Variants in PTPRR observed in about 807,000 individuals in gnomAD.
PTPRR encodes receptor-type tyrosine-protein phosphatase R.
PTPRR carries 38 observed loss-of-function variants against 77.2 expected under a neutral mutation model. That is an observed-to-expected ratio of 0.49 (90% CI 0.38 to 0.65). PTPRR has a LOEUF of 0.65. Among genes scored for constraint, PTPRR ranks in the 30% least tolerant of loss-of-function variants. The probability of loss-of-function intolerance (pLI) is 0.00; values close to 1 mark genes in which losing one functional copy is unlikely to be tolerated. For missense variants in PTPRR, 744 were observed against 799.2 expected (o/e 0.93, Z 0.83); for synonymous variants, 299 against 283.1 (o/e 1.06, Z -0.57).
intron 2 of PTPRR, among the ~76,000 whole-genome samples, chr12:70,813,993 C>G (rs1450762676): frequency 2.0e-5 from 3 of 152,104 alleles, no homozygotes; most frequent in Non-Finnish European, 2.9e-5. Context: ...CCTGTTTCCA[C>G]CAGCCAGAGT....
At chr12:70,907,310 C>T (rs1304520251) in intron 1 of PTPRR, among the ~76,000 whole-genome samples, 1 of 152,148 alleles carries the variant, frequency 6.6e-6, no homozygotes, top group African/African-American at 2.4e-5. Context: ...TGATTTTAAT[C>T]ACCTTGTAAA....
intron 6 of PTPRR, among the ~76,000 whole-genome samples, chr12:70,710,309 C>T (rs1448189477): frequency 6.6e-6 from 1 of 152,056 alleles, no homozygotes; most frequent in Admixed American, 6.6e-5. Flanking sequence ...GAAAGTATTC[C>T]CTATTCAGTA....
chr12:70,875,377 T>C (rs1452464837), intron 2 of PTPRR, among the ~76,000 whole-genome samples: 1 of 152,144 alleles, frequency 6.6e-6, no homozygotes, highest in Non-Finnish European at 1.5e-5. Flanking sequence ...AATGGAAGAA[T>C]ACATATACAT....
intron 2 of PTPRR, among the ~76,000 whole-genome samples, chr12:70,775,085 G>C (rs1466662588): frequency 6.6e-6 from 1 of 152,130 alleles, no homozygotes; most frequent in African/African-American, 2.4e-5. Context: ...AGATTAAAAT[G>C]TTCTTTCCAA....
intron 1 of PTPRR, among the ~76,000 whole-genome samples, chr12:70,919,944 T>C (rs995152140): frequency 1.3e-5 from 2 of 151,930 alleles, no homozygotes; most frequent in East Asian, 1.9e-4. Flanking sequence ...CTTATGAATG[T>C]AGTAGCCGCT....
intron 2 of PTPRR, among the ~76,000 whole-genome samples, chr12:70,842,809 T>G (rs1189133811): frequency 6.6e-6 from 1 of 152,340 alleles, no homozygotes; most frequent in South Asian, 2.1e-4. Flanking sequence ...TTCCAGAGAT[T>G]TGGCATGGAT....
At chr12:70,811,139 T>C (rs1796214368) in intron 2 of PTPRR, among the ~76,000 whole-genome samples, 1 of 152,190 alleles carries the variant, frequency 6.6e-6, no homozygotes, top group East Asian at 1.9e-4. Context: ...AAATGTTAGA[T>C]GTTTGCATTT....
At chr12:70,680,285 T>C (rs916381514) in intron 10 of PTPRR, among the ~76,000 whole-genome samples, 1 of 152,168 alleles carries the variant, frequency 6.6e-6, no homozygotes, top group African/African-American at 2.4e-5. Context: ...TCTTTGATGG[T>C]GTCATGTTTC....
At chr12:70,803,954 G>C (rs1234229634) in intron 2 of PTPRR, among the ~76,000 whole-genome samples, 1 of 152,072 alleles carries the variant, frequency 6.6e-6, no homozygotes, top group African/African-American at 2.4e-5. Context: ...GCGGGTCTAG[G>C]ATAAGAGGCA....
chr12:70,647,855 T>C lies in PTPRR; in HGVS notation c.1881-8578A>G, dbSNP rs533025982. ...CAAAATATCCCTTTTGCAACAATGC[T>C]GGCCAACAGAAAGTTCATTGTACTT... On this transcript the variant is annotated intron_variant, in intron 13 of 13. Transcript: ENST00000283228. Among the ~76,000 whole-genome samples, 150 of 152,344 alleles carry C rather than the reference T, an allele frequency of 9.8e-4. 1 individual carries two copies. The highest frequency in any genetic ancestry group is 3.5e-3 in the African/African-American group (147 of 41,598).
chr12:70,771,312 T>C (rs1416243210), intron 2 of PTPRR, among the ~76,000 whole-genome samples: 1 of 152,078 alleles, frequency 6.6e-6, no homozygotes, highest in African/African-American at 2.4e-5. Context: ...AACCATATAC[T>C]GCATGTTCTC....
chr12:70,892,778 A>G lies in PTPRR; in HGVS notation c.258T>C (p.Pro86=). ...KRHQIVNSAF[P]RPAYDPSLNL... is the part of the protein sequence containing the mutation. Reference sequence around the variant, plus strand: ...TGAGAGACGGGTCATATGCGGGTCTAGGAAATGCTGAATTGACAATCTGGT... The same window carrying G: ...TGAGAGACGGGTCATATGCGGGTCTGGGAAATGCTGAATTGACAATCTGGT... The change falls in exon 2 of 14, where the codon CCT becomes CCC. Residue 86 remains proline (P), a synonymous_variant. Coordinates refer to ENST00000283228, the MANE Select transcript of PTPRR (RefSeq NM_002849.4). 6.2e-7 allele frequency: 1 copy of G among 1,613,566 alleles called. No individual in the cohort carries two copies. Among genetic ancestry groups the G allele is most frequent in the Non-Finnish European group, 8.5e-7 (1 of 1,179,558 alleles).
At chr12:70,807,478 T>TC (rs1289300439) in intron 2 of PTPRR, among the ~76,000 whole-genome samples, 5 of 152,216 alleles carry the variant, frequency 3.3e-5, no homozygotes, top group African/African-American at 1.2e-4. Context: ...CAATATCTTC[T>TC]CCCCCCACCC....
intron 10 of PTPRR, among the ~76,000 whole-genome samples, chr12:70,681,334 C>T (rs1887650748): frequency 6.6e-6 from 1 of 152,188 alleles, no homozygotes; most frequent in Non-Finnish European, 1.5e-5. Flanking sequence ...ACAATGTGGG[C>T]TCCTTCTCTG....
At chr12:70,713,571 T>TTC (rs1888910664) in intron 6 of PTPRR, among the ~76,000 whole-genome samples, 1 of 151,678 alleles carries the variant, frequency 6.6e-6, no homozygotes, top group Admixed American at 6.6e-5. Flanking sequence ...CTGCCTTTTT[T>TTC]TTTTTTTAAT....
intron 13 of PTPRR, among the ~76,000 whole-genome samples, chr12:70,642,333 T>C (rs915375460): frequency 1.3e-5 from 2 of 152,244 alleles, no homozygotes; most frequent in Non-Finnish European, 2.9e-5. Context: ...TTATTCTTGT[T>C]AATTTCAACT....
rs115869829 is a variant in PTPRR, at chr12:70,667,721, G to A, written c.1498-5116C>T. Among the ~76,000 whole-genome samples, 730 of 152,214 alleles carry A rather than the reference G, an allele frequency of 4.8e-3. 8 individuals are homozygous for A. The highest frequency in any genetic ancestry group is 0.017 in the African/African-American group (704 of 41,530). The stretch of plus-strand genomic sequence containing the variant: ...TTATGCTCATGAATCCAGTTGACCA[G>A]CGACAGCATTCATAATATCTAATTC... On this transcript the variant is annotated intron_variant, in intron 10 of 13. Coordinates refer to ENST00000283228, the MANE Select transcript of PTPRR (RefSeq NM_002849.4).
At chr12:70,796,858 T>C (rs928188453) in intron 2 of PTPRR, among the ~76,000 whole-genome samples, 2 of 150,988 alleles carry the variant, frequency 1.3e-5, no homozygotes, top group Non-Finnish European at 3.0e-5. Context: ...TGAAACCCTG[T>C]CTCCACTAAA....
intron 2 of PTPRR, among the ~76,000 whole-genome samples, chr12:70,827,529 T>TC (rs1198659381): frequency 8.0e-6 from 1 of 124,324 alleles, no homozygotes; most frequent in African/African-American, 3.2e-5. Flanking sequence ...TCTTTTCTTT[T>TC]TTCTTTCTTT....
Sources: allele counts gnomAD v4.1 joint callset (sites outside exome capture counted in the v4.1 genomes callset), GRCh38; gene constraint gnomAD v4.1.1; transcripts MANE v1.5; gene names NCBI Gene and HGNC (gene_info 2026-07-23, HGNC 2026-07-21).